ABTB2: variants seen among roughly 807,000 people sequenced by gnomAD.
ABTB2 encodes ankyrin repeat and BTB/POZ domain-containing protein 2.
A neutral mutation model predicts 104.1 loss-of-function variants in ABTB2; 56 were observed. That is an observed-to-expected ratio of 0.54 (90% CI 0.43 to 0.67). ABTB2 has a LOEUF of 0.67. Ranked by LOEUF, ABTB2 falls within the 30% of genes least tolerant of loss-of-function variation. The pLI is 0.00. For missense variants in ABTB2, 1,279 were observed against 1,407.7 expected (o/e 0.91, Z 1.46); for synonymous variants, 606 against 608.2 (o/e 1.00, Z 0.05).
In ABTB2 at chr11:34,154,760, GCAT is replaced by G; in HGVS notation, c.2704_2706del (p.Met902del). The G allele has an allele frequency of 6.2e-7, 1 of 1,614,078 alleles. No homozygotes were observed. The highest frequency in any genetic ancestry group is 8.5e-7 in the Non-Finnish European group (1 of 1,179,960). On this transcript the variant is annotated inframe_deletion, in exon 15 of 17. Transcript: ENST00000435224. This position sits in a 1 kb window ranked among gnomAD's most constrained non-coding sequence, Gnocchi z 4.9. ...TCTGTTCCTCCGTAGTACAGATACT[GCAT>G]CATCATCTGTGGTGGGAAGAGGCCC...
intron 16 of ABTB2, among the ~76,000 whole-genome samples, chr11:34,153,928 G>C (rs1852583801): frequency 6.6e-6 from 1 of 152,220 alleles, no homozygotes; most frequent in Admixed American, 6.5e-5. Flanking sequence ...GGGAGGCACA[G>C]ACAGGTAGGG....
intron 1 of ABTB2, among the ~76,000 whole-genome samples, chr11:34,287,003 GCCT>G (rs1854513533): frequency 6.6e-6 from 1 of 152,142 alleles, no homozygotes; most frequent in Non-Finnish European, 1.5e-5. Context: ...GAACTGTTCT[GCCT>G]CCTCATCATG....
At chr11:34,164,856 A>C (rs1322228430) in intron 8 of ABTB2, 35 bp from the exon 9 acceptor site, 1 of 1,573,866 alleles carries the variant, frequency 6.4e-7, no homozygotes, top group Non-Finnish European at 8.6e-7. Flanking sequence ...GAGGACACTG[A>C]GACAGTAGCC....
At position 34,357,146 on chromosome 11, in the gene ABTB2, C is replaced by G; in HGVS notation, c.438G>C (p.Leu146=). 1 of 1,495,716 alleles carries G rather than the reference C, an allele frequency of 6.7e-7. No individual in the cohort carries two copies. The highest frequency in any genetic ancestry group is 8.8e-7 in the Non-Finnish European group (1 of 1,130,838). The allele number at this position is 1,495,716 out of a possible 1,614,324, so 92.7% of individuals were successfully genotyped here. ...GGGTGCACTTGGCGTGCAGCACGCT[C>G]AGGCGCTGCGCCTCGCGGGCCACGC... ...LIRVAREAQR[L]SVLHAKCTRF... Residue 146 remains leucine, a synonymous_variant, in exon 1 of 17, where the codon CTG becomes CTC. Coordinates refer to ENST00000435224, the MANE Select transcript of ABTB2 (RefSeq NM_145804.3).
At chr11:34,326,097 T>C (rs954790766) in intron 1 of ABTB2, among the ~76,000 whole-genome samples, 13 of 152,102 alleles carry the variant, frequency 8.5e-5, no homozygotes, top group African/African-American at 3.1e-4. Context: ...AGGTCTTTCT[T>C]CTCTCTCTGT....
chr11:34,266,772 C>T (rs918287536), intron 1 of ABTB2, among the ~76,000 whole-genome samples: 2 of 152,100 alleles, frequency 1.3e-5, no homozygotes, highest in African/African-American at 4.8e-5. Flanking sequence ...AGATCCCCCT[C>T]CCCCACCCCC....
At chr11:34,226,571 A>G (rs1483098761) in intron 1 of ABTB2, among the ~76,000 whole-genome samples, 2 of 152,226 alleles carry the variant, frequency 1.3e-5, no homozygotes, top group Admixed American at 6.5e-5. Context: ...GAGTAGGACC[A>G]TGCTCCTCAC....
intron 1 of ABTB2, among the ~76,000 whole-genome samples, chr11:34,305,307 T>C (rs1371743494): frequency 6.6e-6 from 1 of 152,180 alleles, no homozygotes; most frequent in African/African-American, 2.4e-5. Flanking sequence ...ACAGCGATGG[T>C]TTTACAGGAC....
chr11:34,338,070 G>A (rs754443743), intron 1 of ABTB2, among the ~76,000 whole-genome samples: 80 of 151,960 alleles, frequency 5.3e-4, no homozygotes, highest in Admixed American at 1.3e-4. Context: ...TAGAATCGCC[G>A]CAAGAGTTGC....
rs141257041 is a variant in ABTB2 at position 34,306,785 on chromosome 11, T to C, written c.883+49916A>G. Among the ~76,000 whole-genome samples, 140 of 151,976 alleles carry C rather than the reference T, an allele frequency of 9.2e-4. 2 individuals are homozygous for C. In the East Asian group the frequency reaches 0.026, roughly 29 times the overall value. ...TGGAAGGTACACCACTTTCTTTAGT[T>C]ATCTTTTCCTTTTTATAGACAAATA... On this transcript the variant is annotated intron_variant, in intron 1 of 16. Transcript: ENST00000435224.
chr11:34,345,711 T>C (rs1855322777), intron 1 of ABTB2, among the ~76,000 whole-genome samples: 1 of 152,238 alleles, frequency 6.6e-6, no homozygotes, highest in African/African-American at 2.4e-5. Context: ...AGTCCTGGCC[T>C]GCCCAGCTGG....
rs1855243555 is a variant in ABTB2 at position 34,340,043 on chromosome 11, C to CCGAACAAA, written c.883+16657_883+16658insTTTGTTCG. ...GTATGCTTCTTAGCCCCACCATCCT[C>CCGAACAAA]CAAACAAACAAACAAACAAACAAAA... On this transcript the variant is annotated intron_variant, in intron 1 of 16. Coordinates refer to ENST00000435224, the MANE Select transcript of ABTB2 (RefSeq NM_145804.3). Among the ~76,000 whole-genome samples the CCGAACAAA allele has an allele frequency of 2.1e-4, 32 of 149,558 alleles. No homozygotes were observed. The South Asian group carries it at 6.8e-3, about 32-fold the overall frequency.
intron 1 of ABTB2, among the ~76,000 whole-genome samples, chr11:34,215,168 G>T (rs573753087): frequency 5.3e-5 from 8 of 152,348 alleles, no homozygotes; most frequent in Admixed American, 2.0e-4. Context: ...CCACTGGTGG[G>T]ATGCTGCCAT....
At chr11:34,220,318 A>G (rs1006342093) in intron 1 of ABTB2, among the ~76,000 whole-genome samples, 2 of 152,186 alleles carry the variant, frequency 1.3e-5, no homozygotes, top group African/African-American at 2.4e-5. Flanking sequence ...TCGAGTGGCC[A>G]TGCAATATGC....
In ABTB2 at chr11:34,176,368, G is replaced by A. The variant is rs147678963; in HGVS notation, c.1245-3061C>T. Among the ~76,000 whole-genome samples, 353 of 151,596 alleles carry A rather than the reference G, an allele frequency of 2.3e-3. 4 individuals are homozygous for A. Among genetic ancestry groups the A allele is most frequent in the African/African-American group, 8.0e-3 (329 of 41,330 alleles). ...TTCCTTTACAGCAATAGCCATGAATGCATGTTGTCTTCCTAACCAGACTGT... is the reference window on the plus strand; with the variant it reads ...TTCCTTTACAGCAATAGCCATGAATACATGTTGTCTTCCTAACCAGACTGT... On this transcript the variant is annotated intron_variant, in intron 3 of 16. Coordinates refer to ENST00000435224, the MANE Select transcript of ABTB2 (RefSeq NM_145804.3).
At chr11:34,344,386 T>A (rs1417400021) in intron 1 of ABTB2, among the ~76,000 whole-genome samples, 1 of 152,196 alleles carries the variant, frequency 6.6e-6, no homozygotes, top group African/African-American at 2.4e-5. Flanking sequence ...TCTGAGTCTC[T>A]ATGCAGCCCT....
Position 34,173,256 on chromosome 11 carries a change from G to A in ABTB2, c.1296C>T (p.Thr432=). 6.2e-7 allele frequency: 1 copy of A among 1,611,586 alleles called. No homozygotes were observed. The highest frequency in any genetic ancestry group is 8.5e-7 in the Non-Finnish European group (1 of 1,179,238). Residue 432 remains threonine (T), a synonymous_variant, in exon 4 of 17, where the codon ACC becomes ACT. Transcript: ENST00000435224. ...TGAGGCTGCGGCGGTGCTCTGCGTA[G>A]GTGATGGCCACGCGCATCCACTCCA... ...PLMEWMRVAI[T]YAEHRRSLTV...
intron 1 of ABTB2, among the ~76,000 whole-genome samples, chr11:34,304,967 A>T (rs1460790796): frequency 5.9e-5 from 9 of 152,218 alleles, no homozygotes; most frequent in Admixed American, 5.9e-4. Context: ...TGGACCACTC[A>T]AAGTGTTTTC....
At chr11:34,196,669 C>T (rs896301206) in intron 3 of ABTB2, among the ~76,000 whole-genome samples, 1 of 152,218 alleles carries the variant, frequency 6.6e-6, no homozygotes, top group African/African-American at 2.4e-5. Flanking sequence ...CTGTTCTTTG[C>T]AGCCTTGCTC....
Sources: allele counts gnomAD v4.1 joint callset (sites outside exome capture counted in the v4.1 genomes callset), GRCh38; gene constraint gnomAD v4.1.1; non-coding constraint Gnocchi (gnomAD v3.1); transcripts MANE v1.5; gene names NCBI Gene and HGNC (gene_info 2026-07-23, HGNC 2026-07-21).